Variants in PDE4B observed in about 807,000 individuals in gnomAD.
PDE4B encodes the protein phosphodiesterase 4B, also known as 3',5'-cyclic-AMP phosphodiesterase 4B.
In PDE4B, 20 loss-of-function variants were observed where a neutral mutation model predicts 82.2. That is an observed-to-expected ratio of 0.24 (90% CI 0.17 to 0.35). PDE4B has a LOEUF of 0.35. Ranked by LOEUF, PDE4B falls within the 10% of genes least tolerant of loss-of-function variation. The pLI, the probability that PDE4B is intolerant of heterozygous loss-of-function variation, is 1.00. For synonymous variants in PDE4B, 320 were observed against 318.9 expected, an observed-to-expected ratio of 1.00 and a Z score of -0.04; for missense variants, 655 against 907.2, an observed-to-expected ratio of 0.72 and a Z score of 3.57.
At chr1:65,887,198 C>CTTTCTTTCTTTCTTTCTTTCTTT (rs1646790223) in intron 1 of PDE4B, among the ~76,000 whole-genome samples, 1 of 10,702 alleles carries the variant, frequency 9.3e-5, no homozygotes, top group Admixed American at 1.7e-3. Flanking sequence ...TTCTTTCTTT[C>CTTTCTTTCTTTCTTTCTTTCTTT]TTTCTTTCTT....
At chr1:65,973,877 A>G (rs1287036008) in intron 3 of PDE4B, among the ~76,000 whole-genome samples, 1 of 152,044 alleles carries the variant, frequency 6.6e-6, no homozygotes, top group African/African-American at 2.4e-5. Context: ...CAATGGCACG[A>G]TGCCGGCTCA....
intron 3 of PDE4B, among the ~76,000 whole-genome samples, chr1:66,060,153 CT>C (rs1381332833): frequency 6.6e-6 from 1 of 152,156 alleles, no homozygotes; most frequent in Non-Finnish European, 1.5e-5. Context: ...CAATTTATAT[CT>C]TGTGGTTTTC....
At chr1:65,923,386 A>G (rs148324687) in intron 3 of PDE4B, among the ~76,000 whole-genome samples, 118 of 152,272 alleles carry the variant, frequency 7.7e-4, no homozygotes, top group Admixed American at 6.3e-3. Flanking sequence ...GGGTCTTAGA[A>G]CACTTTACTC....
intron 1 of PDE4B, among the ~76,000 whole-genome samples, chr1:65,807,787 C>T (rs562481441): frequency 5.3e-5 from 8 of 152,188 alleles, no homozygotes; most frequent in Non-Finnish European, 1.2e-4. Flanking sequence ...AAGCAGCTGC[C>T]CAAGTAGGGT....
intron 7 of PDE4B, among the ~76,000 whole-genome samples, chr1:66,301,058 C>T (rs499170): frequency 0.18 from 26,655 of 152,070 alleles, 4,573 homozygotes; most frequent in African/African-American, 0.43. Flanking sequence ...TATGAGCATG[C>T]GGTGTGGCTC....
chr1:66,269,735 T>A (rs752527061), intron 7 of PDE4B, among the ~76,000 whole-genome samples: 5 of 152,202 alleles, frequency 3.3e-5, no homozygotes, highest in Non-Finnish European at 7.3e-5. Context: ...CACACATATG[T>A]CATGACAGTA....
At chr1:66,162,861 T>G (rs1033325356) in intron 3 of PDE4B, among the ~76,000 whole-genome samples, 4 of 152,150 alleles carry the variant, frequency 2.6e-5, no homozygotes, top group Non-Finnish European at 5.9e-5. Flanking sequence ...GTACTATCAG[T>G]TGTTACAATA....
chr1:66,135,034 A>G (rs1248359317), intron 3 of PDE4B, among the ~76,000 whole-genome samples: 1 of 152,204 alleles, frequency 6.6e-6, no homozygotes, highest in Non-Finnish European at 1.5e-5. Context: ...TTATAGGATG[A>G]AGAATTTGGT....
chr1:66,020,320 T>A (rs1283356979), intron 3 of PDE4B, among the ~76,000 whole-genome samples: 1 of 152,238 alleles, frequency 6.6e-6, no homozygotes, highest in East Asian at 1.9e-4. Flanking sequence ...TTGAACTCTT[T>A]TTTTTTTAAT....
chr1:66,006,767 C>T (rs2100725904), intron 3 of PDE4B, among the ~76,000 whole-genome samples: 1 of 152,206 alleles, frequency 6.6e-6, no homozygotes, highest in Middle Eastern at 3.4e-3. Flanking sequence ...CTGCTCTGCA[C>T]TTTTCCTTCC....
At chr1:66,099,999 C>G (rs1302085111) in intron 3 of PDE4B, among the ~76,000 whole-genome samples, 1 of 152,014 alleles carries the variant, frequency 6.6e-6, no homozygotes, top group Non-Finnish European at 1.5e-5. Context: ...AATACAATTA[C>G]CTGTTTATAT....
intron 2 of PDE4B, among the ~76,000 whole-genome samples, chr1:65,915,449 G>A (rs1486364808): frequency 2.0e-5 from 3 of 152,066 alleles, no homozygotes; most frequent in Non-Finnish European, 4.4e-5. Flanking sequence ...AATGTGTACC[G>A]AAGCACAGTA....
chr1:65,973,700 A>G (rs1462395810), intron 3 of PDE4B, among the ~76,000 whole-genome samples: 1 of 152,220 alleles, frequency 6.6e-6, no homozygotes, highest in Non-Finnish European at 1.5e-5. Flanking sequence ...ACTTTGATAC[A>G]GTTTTTGAAG....
At chr1:66,270,072 A>G (rs1655353751) in intron 7 of PDE4B, among the ~76,000 whole-genome samples, 1 of 152,248 alleles carries the variant, frequency 6.6e-6, no homozygotes, top group South Asian at 2.1e-4. Context: ...AGCAAACCAT[A>G]GCACCAAGAT....
intron 3 of PDE4B, among the ~76,000 whole-genome samples, chr1:66,126,098 G>A (rs613112): frequency 0.33 from 49,648 of 152,060 alleles, 9,000 homozygotes; most frequent in East Asian, 0.68. Flanking sequence ...GAGCCACTGC[G>A]CCCACCCAAC....
chr1:65,852,364 G>A (rs1435830314), intron 1 of PDE4B, among the ~76,000 whole-genome samples: 1 of 151,862 alleles, frequency 6.6e-6, no homozygotes. Flanking sequence ...TTCTTGTTCA[G>A]ATTTGAATAA....
At chr1:66,224,161 C>T (rs1651231961) in intron 3 of PDE4B, among the ~76,000 whole-genome samples, 1 of 145,098 alleles carries the variant, frequency 6.9e-6, no homozygotes, top group Admixed American at 6.8e-5. Context: ...CATCTCTTTC[C>T]ACTGCTTAGA....
chr1:65,879,233 A>C (rs3009866), intron 1 of PDE4B, among the ~76,000 whole-genome samples: 151,650 of 152,206 alleles, frequency 1, 75,549 homozygotes, highest in East Asian at 1. Context: ...CAGGGAAGGG[A>C]AAAGAGTGGG....
intron 6 of PDE4B, among the ~76,000 whole-genome samples, chr1:66,264,946 A>G (rs1654929482): frequency 6.6e-6 from 1 of 152,190 alleles, no homozygotes. Context: ...AAAGAAATTT[A>G]ATAGCTCCCC....
Sources: allele counts gnomAD v4.1 joint callset (sites outside exome capture counted in the v4.1 genomes callset), GRCh38; gene constraint gnomAD v4.1.1; transcripts MANE v1.5; gene names NCBI Gene and HGNC (gene_info 2026-07-23, HGNC 2026-07-21).